Variants in TNFRSF10B observed in about 807,000 individuals in gnomAD.
The protein encoded by TNFRSF10B is TNF receptor superfamily member 10b, also known as tumor necrosis factor receptor superfamily member 10B.
In TNFRSF10B, 35 loss-of-function variants were observed where a neutral mutation model predicts 41.4. The ratio of observed to expected loss-of-function variants is 0.85; its 90% CI spans 0.65 to 1.12. TNFRSF10B has a LOEUF of 1.12. TNFRSF10B is among the 50% of genes most tolerant of loss of function. TNFRSF10B has a pLI of 0.00. For synonymous variants in TNFRSF10B, 230 were observed against 215.5 expected (o/e 1.07, Z -0.59); for missense variants, 584 against 552.7 (o/e 1.06, Z -0.57).
chr8:23,063,846 C>T (rs1221275815), intron 1 of TNFRSF10B, among the ~76,000 whole-genome samples: 1 of 152,204 alleles, frequency 6.6e-6, no homozygotes, highest in African/African-American at 2.4e-5. Context: ...TGACTCTGGA[C>T]TTGGGTGATC....
chr8:23,033,790 GCA>G (rs1554508722), intron 2 of TNFRSF10B, among the ~76,000 whole-genome samples: 4 of 151,928 alleles, frequency 2.6e-5, no homozygotes, highest in Non-Finnish European at 5.9e-5. Context: ...CCTCTTCCTT[GCA>G]CACACCAGAA....
Position 23,022,992 on chromosome 8 carries a change from A to C in TNFRSF10B, c.1010-8T>G. The C allele has an allele frequency of 1.2e-6, 2 of 1,608,880 alleles. No individual in the cohort carries two copies. Among genetic ancestry groups the C allele is most frequent in the Admixed American group, 1.7e-5 (1 of 60,008 alleles). On this transcript the variant is annotated splice_region_variant and splice_polypyrimidine_tract_variant and intron_variant, in intron 8 of 8. Transcript: ENST00000276431. ...CGAAGCACTGTCTCAGAGCTGGTGG[A>C]GAAAGCCACAGAGACAGCCAGGTGA...
At position 23,022,864 on chromosome 8, in the gene TNFRSF10B, C is replaced by G. The variant is rs1486501867; in HGVS notation, c.1130G>C (p.Gly377Ala). ...EIKVAKAEAA[G>A]HRDTLYTMLI... ...CATCGTGTACAAGGTGTCCCTGTGG[C>G]CCGCTGCCTCAGCTTTAGCCACCTT... is the stretch of plus-strand genomic sequence containing the variant. The change falls in exon 9 of 9, where the codon GGC (glycine) becomes GCC (alanine). Residue 377 changes from glycine to alanine, a missense_variant. Transcript: ENST00000276431. 5 of 1,613,976 alleles carry G rather than the reference C, an allele frequency of 3.1e-6. No homozygotes were observed. The highest frequency in any genetic ancestry group is 1.3e-5 in the African/African-American group (1 of 74,888).
intron 7 of TNFRSF10B, 65 bp from the exon 8 acceptor site, chr8:23,024,325 G>T: frequency 6.3e-7 from 1 of 1,584,646 alleles, no homozygotes; most frequent in Non-Finnish European, 8.7e-7. Flanking sequence ...TACTGACCCC[G>T]ACCACCAGCC....
At chr8:23,063,346 C>CA (rs11321750) in intron 1 of TNFRSF10B, among the ~76,000 whole-genome samples, 44,240 of 128,618 alleles carry the variant, frequency 0.34, 7,374 homozygotes, top group East Asian at 0.56. Context: ...GAAACTGTCT[C>CA]AAAAAAAAAA....
Position 23,028,616 on chromosome 8 carries a change from CAGAG to C in TNFRSF10B, c.477-18_477-15del. ...CCTCTGGGACACCTGGGTACACACA[CAGAG>C]GGAGAGGGGGGACTCTTGATGGAAA... is the stretch of plus-strand genomic sequence containing the variant. On this transcript the variant is annotated splice_polypyrimidine_tract_variant and intron_variant, in intron 4 of 8. Coordinates refer to ENST00000276431, the MANE Select transcript of TNFRSF10B (RefSeq NM_003842.5). 6.2e-7 allele frequency: 1 copy of C among 1,613,766 alleles called. No individual in the cohort carries two copies. The highest frequency in any genetic ancestry group is 1.3e-5 in the African/African-American group (1 of 74,840).
Position 23,030,804 on chromosome 8 carries a change from A to T in TNFRSF10B, c.319T>A (p.Trp107Arg). 4 of 1,613,270 alleles carry T rather than the reference A, an allele frequency of 2.5e-6. No individual in the cohort carries two copies. Among genetic ancestry groups the T allele is most frequent in the Non-Finnish European group, 3.4e-6 (4 of 1,179,634 alleles). ...CGCAAGCAGAAAAGGAGGTCATTCC[A>T]GTGAGTGCTATAGTCCTGTCCATAT... is the stretch of plus-strand genomic sequence containing the variant. Reference protein sequence around the residue: ...CKYGQDYSTHWNDLLFCLRCT... With the variant: ...CKYGQDYSTHRNDLLFCLRCT... The change falls in exon 3 of 9, where the codon TGG (tryptophan) becomes AGG (arginine). Residue 107 changes from tryptophan (W) to arginine (R), a missense_variant. Trp to Arg is a moderately radical substitution (Grantham distance 101). Coordinates refer to ENST00000276431, the MANE Select transcript of TNFRSF10B (RefSeq NM_003842.5).
chr8:23,022,805 C>T lies in TNFRSF10B; in HGVS notation c.1189G>A (p.Ala397Thr). 3 of 1,613,942 alleles carry T rather than the reference C, an allele frequency of 1.9e-6. No homozygotes were observed. Among genetic ancestry groups the T allele is most frequent in the Non-Finnish European group, 2.5e-6 (3 of 1,179,890 alleles). ...GCATCCAGCAGGGTGTGGACAGAGG[C>T]ATCTCGCCCGGTTTTGTTGACCCAC... Reference protein sequence around the residue: ...IKWVNKTGRDASVHTLLDALE... With the variant: ...IKWVNKTGRDTSVHTLLDALE... Residue 397 changes from alanine (A) to threonine (T), a missense_variant, in exon 9 of 9, where the codon GCC becomes ACC. Coordinates refer to ENST00000276431, the MANE Select transcript of TNFRSF10B (RefSeq NM_003842.5).
intron 1 of TNFRSF10B, among the ~76,000 whole-genome samples, chr8:23,065,946 T>C (rs148803791): frequency 5.9e-5 from 9 of 152,216 alleles, no homozygotes; most frequent in African/African-American, 1.7e-4. Flanking sequence ...CTTACAAATA[T>C]ACTCAAGAAT....
chr8:23,029,149 G>C (rs1248500061), intron 4 of TNFRSF10B, among the ~76,000 whole-genome samples: 1 of 152,178 alleles, frequency 6.6e-6, no homozygotes, highest in Non-Finnish European at 1.5e-5. Flanking sequence ...GGTCCTCATG[G>C]GAACTTGAAG....
chr8:23,068,289 A>C (rs1280525939), intron 1 of TNFRSF10B: 1 of 184,666 alleles, frequency 5.4e-6, no homozygotes, highest in Non-Finnish European at 1.1e-5. Flanking sequence ...CGCAGGTTCA[A>C]AGCGATCTGC....
chr8:23,068,047 A>C (rs1813048483), intron 1 of TNFRSF10B, among the ~76,000 whole-genome samples: 1 of 152,208 alleles, frequency 6.6e-6, no homozygotes. Flanking sequence ...CCAGGCCAAA[A>C]TGCAGCTGCT....
intron 1 of TNFRSF10B, among the ~76,000 whole-genome samples, chr8:23,052,142 T>C (rs1042300067): frequency 6.6e-6 from 1 of 152,172 alleles, no homozygotes; most frequent in Non-Finnish European, 1.5e-5. Flanking sequence ...TGTAATGGGA[T>C]ACATACTCAT....
intron 1 of TNFRSF10B, chr8:23,068,532 A>G (rs2128823434): frequency 1.5e-6 from 1 of 652,492 alleles, no homozygotes; most frequent in Non-Finnish European, 2.6e-6. Flanking sequence ...AATTTACACC[A>G]AGTGGAGCGC....
At chr8:23,050,679 ATTGT>A (rs1461410314) in intron 1 of TNFRSF10B, among the ~76,000 whole-genome samples, 1 of 152,180 alleles carries the variant, frequency 6.6e-6, no homozygotes, top group Non-Finnish European at 1.5e-5. Flanking sequence ...TTGGGAAAAA[ATTGT>A]TTAAGTGCAC....
chr8:23,022,319 GTAGATGGATCT>G lies in TNFRSF10B; in HGVS notation c.*341_*351del, dbSNP rs1271839623. The G allele has an allele frequency of 1.1e-5, 5 of 464,636 alleles. No homozygotes were observed. Among genetic ancestry groups the G allele is most frequent in the Non-Finnish European group, 2.1e-5 (5 of 234,252 alleles). The allele number at this position is 464,636 out of a possible 1,614,324, so 28.8% of individuals were successfully genotyped here. A position where few individuals can be genotyped will look rare whatever the true frequency, so the allele number is the denominator to read the frequency against. ...TCAAGTGAAGTCGGACAACGACTGT[GTAGATGGATCT>G]TACAATGTAGCCCAAATAAATAAAT... On this transcript the variant is annotated 3_prime_UTR_variant, in exon 9 of 9. Transcript: ENST00000276431.
rs766650804 is a variant in TNFRSF10B, at chr8:23,020,475, T to C, written c.*2196A>G. ...CTTTCGGAGGCCAAGGTGGATCACC[T>C]GAGGTCAGGAGTTCGAGACCAGCCT... On this transcript the variant is annotated 3_prime_UTR_variant, in exon 9 of 9. Transcript: ENST00000276431. The C allele has an allele frequency of 4.4e-6, 2 of 453,930 alleles. No homozygotes were observed. The highest frequency in any genetic ancestry group is 3.1e-5 in the South Asian group (2 of 64,474). 28.1% of individuals were successfully genotyped at this position (453,930 alleles called of 1,614,324 possible).
chr8:23,021,376 A>C lies in TNFRSF10B; in HGVS notation c.*1295T>G. On this transcript the variant is annotated 3_prime_UTR_variant, in exon 9 of 9. Transcript: ENST00000276431. Reference sequence around the variant, plus strand: ...CATGGGCTCAGGGTGACAGATAACCAGAAGTGAGCCGGGCCATCTACTCCT... The same window carrying C: ...CATGGGCTCAGGGTGACAGATAACCCGAAGTGAGCCGGGCCATCTACTCCT... 2.2e-6 allele frequency: 1 copy of C among 454,164 alleles called. No homozygotes were observed. Among genetic ancestry groups the C allele is most frequent in the South Asian group, 1.6e-5 (1 of 64,476 alleles). 28.1% of individuals were successfully genotyped at this position (454,164 alleles called of 1,614,324 possible). A position where few individuals can be genotyped will look rare whatever the true frequency, so the allele number is the denominator to read the frequency against.
At chr8:23,064,900 C>T (rs1812937557) in intron 1 of TNFRSF10B, among the ~76,000 whole-genome samples, 1 of 152,214 alleles carries the variant, frequency 6.6e-6, no homozygotes, top group South Asian at 2.1e-4. Context: ...TCATTACCCT[C>T]AATGTTGATT....
Sources: gnomAD v4.1 joint callset for allele counts (sites outside exome capture counted in the v4.1 genomes callset) on GRCh38, gnomAD v4.1.1 for gene constraint, MANE v1.5 for transcripts, NCBI Gene and HGNC (gene_info 2026-07-23, HGNC 2026-07-21) for gene names.